Variants in ACLY observed in about 807,000 individuals in gnomAD.
ACLY encodes the protein ATP-citrate synthase.
A neutral mutation model predicts 133.0 loss-of-function variants in ACLY; 41 were observed. The observed-to-expected ratio is 0.31, with a 90% CI of 0.24 to 0.40. The LOEUF is 0.40. Among genes scored for constraint, ACLY ranks in the 10% least tolerant of loss-of-function variants. The pLI, the probability that ACLY is intolerant of heterozygous loss-of-function variation, is 1.00. For missense variants in ACLY, 1,046 were observed against 1,453.8 expected (o/e 0.72, Z 4.56); for synonymous variants, 495 against 549.3 (o/e 0.90, Z 1.38).
chr17:41,913,617 A>G (rs1371001059), intron 2 of ACLY, 98 bp downstream of exon 2: 1 of 1,348,042 alleles, frequency 7.4e-7, no homozygotes, highest in East Asian at 2.3e-5. Flanking sequence ...GGCAGCCTCC[A>G]ACCCCATGAC....
chr17:41,879,685 A>AAAAAAAAAAAAAAAAAAAAAAAAAAG (rs1597981614), intron 20 of ACLY, among the ~76,000 whole-genome samples: 1 of 127,248 alleles, frequency 7.9e-6, no homozygotes. Flanking sequence ...AAAAAAAAAA[A>AAAAAAAAAAAAAAAAAAAAAAAAAAG]AAGAAGTGCT....
rs142250579 is a variant in ACLY, at chr17:41,867,477, G to C, written c.*333C>G. 9.8e-4 allele frequency: 168 copies of C among 171,398 alleles called. 1 individual carries two copies. Among genetic ancestry groups the C allele is most frequent in the African/African-American group, 3.8e-3 (160 of 42,288 alleles). The allele number at this position is 171,398 out of a possible 1,614,324, so 10.6% of individuals were successfully genotyped here. ...AAAAAATGTTTAACTAATGGAAAAAGAAAGCAACATCCTAACGCCCTACAA... is the reference window on the plus strand; with the variant it reads ...AAAAAATGTTTAACTAATGGAAAAACAAAGCAACATCCTAACGCCCTACAA... On this transcript the variant is annotated 3_prime_UTR_variant, in exon 29 of 29. Transcript: ENST00000352035.
chr17:41,913,397 C>T (rs1459430734), intron 2 of ACLY, among the ~76,000 whole-genome samples: 1 of 152,206 alleles, frequency 6.6e-6, no homozygotes, highest in Non-Finnish European at 1.5e-5. Context: ...AGTATTATCC[C>T]ATTGGAGAGA....
chr17:41,904,896 C>G (rs2049665192), intron 9 of ACLY, 106 bp from the exon 10 acceptor site: 1 of 1,108,910 alleles, frequency 9.0e-7, no homozygotes, highest in Non-Finnish European at 1.4e-6. Flanking sequence ...TGAGGGTCCC[C>G]CATCTGCCAG....
intron 19 of ACLY, 53 bp from the exon 20 acceptor site, chr17:41,883,285 C>T (rs1417334389): frequency 2.0e-5 from 29 of 1,475,402 alleles, no homozygotes; most frequent in Non-Finnish European, 2.3e-5. Flanking sequence ...CCCATCCTGA[C>T]GTAAAAACTG....
At chr17:41,905,364 CAG>C (rs2049682325) in intron 9 of ACLY, among the ~76,000 whole-genome samples, 156 bp downstream of exon 9, 7 of 152,308 alleles carry the variant, frequency 4.6e-5, no homozygotes, top group African/African-American at 1.7e-4. Flanking sequence ...GCCCTCTGTG[CAG>C]TCAGAGAAAC....
intron 22 of ACLY, 55 bp downstream of exon 22, chr17:41,878,048 C>A: frequency 2.3e-6 from 3 of 1,310,126 alleles, no homozygotes; most frequent in Admixed American, 2.8e-5. Context: ...AACCCACCAC[C>A]ATAGACCCAC....
chr17:41,871,585 C>A, intron 25 of ACLY, 104 bp downstream of exon 25: 1 of 1,421,366 alleles, frequency 7.0e-7, no homozygotes, highest in Non-Finnish European at 9.7e-7. Context: ...CAACTCCCGA[C>A]CTCAAGTGAT....
chr17:41,907,496 C>A lies in ACLY; in HGVS notation c.693G>T (p.Val231=). The change falls in exon 7 of 29, where the codon GTG becomes GTT. Residue 231 remains valine (V), a synonymous_variant. Transcript: ENST00000352035. ...VDATADYICK[V]KWGDIEFPPP... Reference sequence around the variant, plus strand: ...GAGGGAACTCGATGTCACCCCACTTCACTTTGCAGATGTAGTCGGCAGTGG... The same window carrying A: ...GAGGGAACTCGATGTCACCCCACTTAACTTTGCAGATGTAGTCGGCAGTGG... The A allele has an allele frequency of 6.2e-7, 1 of 1,614,046 alleles. No individual in the cohort carries two copies. Among genetic ancestry groups the A allele is most frequent in the Non-Finnish European group, 8.5e-7 (1 of 1,179,996 alleles).
At chr17:41,869,154 TATC>T (rs782252659) in intron 26 of ACLY, 29 bp from the exon 27 acceptor site, 1 of 1,557,026 alleles carries the variant, frequency 6.4e-7, no homozygotes, top group African/African-American at 1.4e-5. Context: ...TCAAAGCATT[TATC>T]ATTATTTCTC....
At chr17:41,896,588 C>T (rs774757200) in intron 14 of ACLY, 32 bp downstream of exon 14, 124 of 1,531,916 alleles carry the variant, frequency 8.1e-5, no homozygotes, top group Non-Finnish European at 9.7e-5. Context: ...CAAAGCCACA[C>T]GCGGAGTGGG....
intron 20 of ACLY, among the ~76,000 whole-genome samples, chr17:41,879,840 C>T (rs1555626997): frequency 2.0e-5 from 3 of 151,380 alleles, no homozygotes; most frequent in Admixed American, 6.6e-5. Context: ...CACCTCCTCC[C>T]GTGTAGCTGG....
At position 41,887,696 on chromosome 17, in the gene ACLY, G is replaced by A. The variant is rs782649298; in HGVS notation, c.1778C>T (p.Thr593Ile). ...GATGCCTTCAGCTATGATGGCGATG[G>A]TCCGGATCTAGAGGATGACAAAAGT... ...METMNYAQIRTIAIIAEGIPE... is the reference protein window; with the variant it reads ...METMNYAQIRIIAIIAEGIPE... Residue 593 changes from threonine to isoleucine, a missense_variant, in exon 17 of 29, where the codon ACC becomes ATC. Coordinates refer to ENST00000352035, the MANE Select transcript of ACLY (RefSeq NM_001096.3). 5.0e-6 allele frequency: 8 copies of A among 1,613,488 alleles called. No individual in the cohort carries two copies. The highest frequency in any genetic ancestry group is 6.8e-6 in the Non-Finnish European group (8 of 1,179,656).
chr17:41,909,675 T>C lies in ACLY; in HGVS notation c.371A>G (p.Tyr124Cys), dbSNP rs558283153. The change falls in exon 5 of 29, where the codon TAT (tyrosine) becomes TGT (cysteine). Residue 124 changes from tyrosine (Y) to cysteine (C), a missense_variant. Transcript: ENST00000352035. ...SQAEEFYVCI[Y>C]ATREGDYVLF... Reference sequence around the variant, plus strand: ...GACGTAGTCCCCTTCTCGGGTGGCATAGATGCAGACATAGAACTCCTCAGC... The same window carrying C: ...GACGTAGTCCCCTTCTCGGGTGGCACAGATGCAGACATAGAACTCCTCAGC... 1.0e-4 allele frequency: 163 copies of C among 1,614,002 alleles called. No individual in the cohort carries two copies. The highest frequency in any genetic ancestry group is 3.1e-4 in the African/African-American group (23 of 74,980).
chr17:41,898,723 C>T lies in ACLY; in HGVS notation c.1246G>A (p.Gly416Ser), dbSNP rs2144341845. 6.2e-7 allele frequency: 1 copy of T among 1,614,000 alleles called. No homozygotes were observed. Among genetic ancestry groups the T allele is most frequent in the Middle Eastern group, 1.7e-4 (1 of 6,046 alleles). The change falls in exon 12 of 29, where the codon GGC becomes AGC. Residue 416 changes from glycine to serine, a missense_variant. Gly to Ser is a moderately conservative substitution (Grantham distance 56, BLOSUM62 0). Around this residue, in one of 4 missense-constraint regions of ACLY, gnomAD observed 575 missense variants for 804.2 expected, o/e 0.71. Transcript: ENST00000352035. ...GTETHMTAIV[G>S]MALGHRPIPN... Reference sequence around the variant, plus strand: ...ATGGGCCGGTGGCCCAGGGCCATGCCCACAATGGCCGTCATGTGAGTCTCT... The same window carrying T: ...ATGGGCCGGTGGCCCAGGGCCATGCTCACAATGGCCGTCATGTGAGTCTCT...
chr17:41,875,350 C>A (rs376355221), intron 22 of ACLY, among the ~76,000 whole-genome samples: 51 of 111,206 alleles, frequency 4.6e-4, no homozygotes, highest in South Asian at 9.0e-4. Context: ...AACTCCGTCT[C>A]AAAAAAAAAA....
chr17:41,893,229 G>A, intron 14 of ACLY, 55 bp from the exon 15 acceptor site: 2 of 1,558,246 alleles, frequency 1.3e-6, no homozygotes, highest in Non-Finnish European at 1.7e-6. Flanking sequence ...CAGGAGACCT[G>A]CAGGGGCCAG....
rs1257008574 is a variant in ACLY at position 41,869,558 on chromosome 17, G to A, written c.2967C>T (p.Ile989=). Residue 989 remains isoleucine (I), a synonymous_variant, in exon 26 of 29, where the codon ATC becomes ATT. Coordinates refer to ENST00000352035, the MANE Select transcript of ACLY (RefSeq NM_001096.3). The part of the protein sequence containing the change: ...SINNPDMRVQ[I]LKDYVRQHFP... ...AGTGCTGCCTGACGTAATCTTTGAGGATCTGCACTCGCATGTCTGGGTTGT... is the reference window on the plus strand; with the variant it reads ...AGTGCTGCCTGACGTAATCTTTGAGAATCTGCACTCGCATGTCTGGGTTGT... The A allele has an allele frequency of 1.2e-6, 2 of 1,614,002 alleles. No individual in the cohort carries two copies. Among genetic ancestry groups the A allele is most frequent in the African/African-American group, 2.7e-5 (2 of 74,916 alleles).
chr17:41,904,620 T>G (rs1173560603), intron 10 of ACLY, 109 bp downstream of exon 10: 9 of 1,053,678 alleles, frequency 8.5e-6, no homozygotes, highest in Non-Finnish European at 1.3e-5. Context: ...CTACCTGACC[T>G]GGGAACTCAT....
Sources: gnomAD v4.1 joint callset for allele counts (sites outside exome capture counted in the v4.1 genomes callset) on GRCh38, gnomAD v4.1.1 for gene constraint, gnomAD v4.1.1 regional missense constraint, MANE v1.5 for transcripts, NCBI Gene and HGNC (gene_info 2026-07-23, HGNC 2026-07-21) for gene names.